Variants in PSD2 observed in about 807,000 individuals in gnomAD.
The protein encoded by PSD2 is pleckstrin and Sec7 domain containing 2.
In PSD2, 38 loss-of-function variants were observed where a neutral mutation model predicts 69.8. The ratio of observed to expected loss-of-function variants is 0.54; its 90% confidence interval spans 0.42 to 0.71. The LOEUF is 0.71. PSD2 is among the 30% of genes least tolerant of loss of function. The pLI, the probability that PSD2 is intolerant of heterozygous loss-of-function variation, is 0.00. For synonymous variants in PSD2, 412 were observed against 423.0 expected (o/e 0.97, Z 0.32); for missense variants, 943 against 1,014.5 (o/e 0.93, Z 0.96).
chr5:139,812,102 G>A (rs889558950), intron 2 of PSD2, among the ~76,000 whole-genome samples: 4 of 152,172 alleles, frequency 2.6e-5, no homozygotes, highest in African/African-American at 9.7e-5. Context: ...CCAGGTGCTG[G>A]AGATGAACAA....
chr5:139,746,815 G>A, the PSD2 span, among the ~76,000 whole-genome samples: 1 of 152,180 alleles, frequency 6.6e-6, no homozygotes, highest in Non-Finnish European at 1.5e-5. This position sits in a 1 kb window ranked among gnomAD's most constrained non-coding sequence, Gnocchi z 4.5. Flanking sequence ...GGCAAGTGGC[G>A]TAGCGATGGA....
At chr5:139,797,097 T>C (rs719460) in intron 1 of PSD2, among the ~76,000 whole-genome samples, 34,162 of 152,132 alleles carry the variant, frequency 0.22, 3,910 homozygotes, top group African/African-American at 0.27. Context: ...CAGTCGTTCT[T>C]TCATTCTTCC....
rs1760906616 is a variant in PSD2 at position 139,842,710 on chromosome 5, A to G, written c.*236A>G. 4 of 535,110 alleles carry G rather than the reference A, an allele frequency of 7.5e-6. No homozygotes were observed. The highest frequency in any genetic ancestry group is 6.7e-6 in the Non-Finnish European group (2 of 299,342). 33.1% of individuals were successfully genotyped at this position (535,110 alleles called of 1,614,324 possible). A position where few individuals can be genotyped will look rare whatever the true frequency, so the allele number is the denominator to read the frequency against. Reference sequence around the variant, plus strand: ...CCTGGCCCTTGTTTTCCTCTCCACCATGGAGCCTCATTTTGTAGGCCAGTT... The same window carrying G: ...CCTGGCCCTTGTTTTCCTCTCCACCGTGGAGCCTCATTTTGTAGGCCAGTT... On this transcript the variant is annotated 3_prime_UTR_variant, in exon 15 of 15. Transcript: ENST00000274710.
At chr5:139,836,500 G>A (rs1368091645) in intron 9 of PSD2, among the ~76,000 whole-genome samples, 1 of 152,182 alleles carries the variant, frequency 6.6e-6, no homozygotes, top group East Asian at 1.9e-4. Context: ...ATGGAGAGAG[G>A]AGAAGGAAGA....
the PSD2 span, among the ~76,000 whole-genome samples, chr5:139,758,001 A>C: frequency 6.6e-6 from 1 of 152,234 alleles, no homozygotes; most frequent in Non-Finnish European, 1.5e-5. Flanking sequence ...GGATTGTGCC[A>C]CTGCACTTGA....
Position 139,802,143 on chromosome 5 carries a change from G to A in PSD2, c.-51+6168G>A, listed in dbSNP as rs577747413. On this transcript the variant is annotated intron_variant, in intron 1 of 14. Coordinates refer to ENST00000274710, the MANE Select transcript of PSD2 (RefSeq NM_032289.4). ...AGGGAGAGGAAGGGAGGACTCGCCT[G>A]GGGAGAGATGAAGAGACGCTACATA... Among the ~76,000 whole-genome samples, 4 of 151,628 alleles carry A rather than the reference G, an allele frequency of 2.6e-5. No homozygotes were observed. The East Asian group carries it at 7.8e-4, about 29-fold the overall frequency.
rs756852339 is a variant in PSD2, at chr5:139,809,474, G to A, written c.34G>A (p.Glu12Lys). The A allele has an allele frequency of 9.9e-6, 16 of 1,612,544 alleles. No homozygotes were observed. The East Asian group carries it at 3.3e-4, about 34-fold the overall frequency. ...EEDKLLSAVPEEGDATRDPGP... is the reference protein window; with the variant it reads ...EEDKLLSAVPKEGDATRDPGP... ...GGACAAGCTCTTATCTGCAGTGCCT[G>A]AGGAAGGCGATGCCACCCGTGACCC... is the stretch of plus-strand genomic sequence containing the variant. The change falls in exon 2 of 15, where the codon GAG becomes AAG. Residue 12 changes from glutamate to lysine, a missense_variant. Glu to Lys is a moderately conservative substitution (Grantham distance 56). This residue lies in a region of PSD2 where 466 missense variants were observed against 445.0 expected (regional missense o/e 1.05). Coordinates refer to ENST00000274710, the MANE Select transcript of PSD2 (RefSeq NM_032289.4).
chr5:139,830,258 A>G (rs971614660), intron 7 of PSD2, among the ~76,000 whole-genome samples: 2 of 148,480 alleles, frequency 1.3e-5, no homozygotes, highest in African/African-American at 5.0e-5. Context: ...TTCTTTATAT[A>G]TCCTTGATAC....
At chr5:139,788,619 C>G in the PSD2 span, among the ~76,000 whole-genome samples, 1 of 152,204 alleles carries the variant, frequency 6.6e-6, no homozygotes, top group Non-Finnish European at 1.5e-5. Flanking sequence ...CATACCACCC[C>G]GGCCAGTTCC....
Position 139,809,759 on chromosome 5 carries a change from G to A in PSD2, c.319G>A (p.Gly107Arg), listed in dbSNP as rs1328459482. ...RPWRAGVLAE[G>R]DNASRSLYPD... is the part of the protein sequence containing the mutation. ...CTGGAGGGCTGGCGTGCTGGCAGAG[G>A]GGGACAATGCTTCCAGGAGCCTCTA... Residue 107 changes from glycine (G) to arginine (R), a missense_variant, in exon 2 of 15, where the codon GGG becomes AGG. Physicochemically the swap from Gly to Arg is moderately radical, Grantham distance 125 (BLOSUM62 -2). Transcript: ENST00000274710. 2 of 1,614,228 alleles carry A rather than the reference G, an allele frequency of 1.2e-6. No homozygotes were observed. Among genetic ancestry groups the A allele is most frequent in the Non-Finnish European group, 1.7e-6 (2 of 1,180,038 alleles).
At chr5:139,793,544 G>T (rs1036665849), upstream of PSD2, among the ~76,000 whole-genome samples, 1 of 152,200 alleles carries the variant, frequency 6.6e-6, no homozygotes, top group Admixed American at 6.5e-5. Context: ...GCAGATCCAG[G>T]GGGCAGAGAC....
chr5:139,826,032 G>A (rs1051037857), intron 7 of PSD2, among the ~76,000 whole-genome samples: 8 of 152,298 alleles, frequency 5.3e-5, no homozygotes, highest in African/African-American at 1.4e-4. Context: ...ACAGCATTTC[G>A]AGGAGAAGGG....
chr5:139,794,484 C>A (rs762963860), upstream of PSD2, among the ~76,000 whole-genome samples: 1 of 152,184 alleles, frequency 6.6e-6, no homozygotes, highest in Non-Finnish European at 1.5e-5. Context: ...CCTCTTCCTG[C>A]TCCCTAAGAA....
chr5:139,758,339 A>G, the PSD2 span, among the ~76,000 whole-genome samples: 1 of 152,152 alleles, frequency 6.6e-6, no homozygotes, highest in Non-Finnish European at 1.5e-5. Flanking sequence ...CAGGAAGTAC[A>G]TTTCAGGAAT....
At chr5:139,751,232 A>C in the PSD2 span, among the ~76,000 whole-genome samples, 1 of 152,084 alleles carries the variant, frequency 6.6e-6, no homozygotes, top group Non-Finnish European at 1.5e-5. Flanking sequence ...GGGACTCAAG[A>C]CAGCACCTCC....
the PSD2 span, among the ~76,000 whole-genome samples, chr5:139,784,399 T>C: frequency 6.6e-6 from 1 of 152,166 alleles, no homozygotes; most frequent in South Asian, 2.1e-4. Flanking sequence ...AGATCACTAA[T>C]TGACATCTCG....
the PSD2 span, among the ~76,000 whole-genome samples, chr5:139,750,478 C>T: frequency 6.6e-6 from 1 of 152,240 alleles, no homozygotes; most frequent in African/African-American, 2.4e-5. Flanking sequence ...TAACCCCCAA[C>T]CTTCCAAAGG....
intron 7 of PSD2, 67 bp from the exon 8 acceptor site, chr5:139,833,635 G>A (rs143584097): frequency 9.0e-7 from 1 of 1,110,412 alleles, no homozygotes; most frequent in African/African-American, 1.5e-5. Context: ...GCTGGGCAGG[G>A]CAGGGTGTGT....
rs761796726 is a variant in PSD2, at chr5:139,813,331, G to A, written c.394G>A (p.Asp132Asn). The change falls in exon 3 of 15, where the codon GAT becomes AAT. Residue 132 changes from aspartate to asparagine, a missense_variant. Physicochemically the swap from Asp to Asn is conservative, Grantham distance 23. Transcript: ENST00000274710. ...CAGGTTGGATGGTCCCGGGGAGCCAGATGTGCGGGATGGCTTCAGCGCCAC... is the reference window on the plus strand; with the variant it reads ...CAGGTTGGATGGTCCCGGGGAGCCAAATGTGCGGGATGGCTTCAGCGCCAC... Reference protein sequence around the residue: ...QLGLDGPGEPDVRDGFSATFE... With the variant: ...QLGLDGPGEPNVRDGFSATFE... The A allele has an allele frequency of 1.3e-6, 2 of 1,561,866 alleles. No individual in the cohort carries two copies.
Sources: allele counts gnomAD v4.1 joint callset (sites outside exome capture counted in the v4.1 genomes callset), GRCh38; gene constraint gnomAD v4.1.1; regional missense constraint gnomAD v4.1.1; non-coding constraint Gnocchi (gnomAD v3.1); transcripts MANE v1.5; gene names NCBI Gene and HGNC (gene_info 2026-07-23, HGNC 2026-07-21).